The following AREL1 variants were observed in gnomAD, a reference collection of about 807,000 sequenced individuals.
AREL1 encodes the protein apoptosis resistant E3 ubiquitin protein ligase 1.
Under a neutral mutation model 99.0 loss-of-function variants are expected in AREL1, and 62 were observed. The ratio of observed to expected loss-of-function variants is 0.63; its 90% CI spans 0.51 to 0.77. AREL1 has a LOEUF of 0.77. AREL1 is among the 30% of genes least tolerant of loss of function. The pLI, the probability that AREL1 is intolerant of heterozygous loss-of-function variation, is 0.00. For missense variants in AREL1, 879 were observed against 1,027.6 expected (o/e 0.86, Z 1.98); for synonymous variants, 380 against 376.5 (o/e 1.01, Z -0.11).
chr14:74,676,558 C>A (rs1476528688), intron 6 of AREL1, 25 bp downstream of exon 6: 1 of 1,604,970 alleles, frequency 6.2e-7, no homozygotes, highest in Admixed American at 1.7e-5. Context: ...CTCTAGCACA[C>A]AGATAAAGAA....
In AREL1 at chr14:74,685,662, T is replaced by C. The variant is rs1405728921; in HGVS notation, c.-45-2A>G. The C allele has an allele frequency of 6.2e-7, 1 of 1,613,100 alleles. No homozygotes were observed. The highest frequency in any genetic ancestry group is 1.1e-5 in the South Asian group (1 of 90,990). On this transcript the variant is annotated splice_acceptor_variant, in intron 2 of 19. Transcript: ENST00000356357. LOFTEE classifies it low-confidence loss of function (5UTR_SPLICE). ...GACAGCCGAGGATCACAGCTGCAGCTGTTAAAAGAAAACTTGTTTAGTTTT... is the reference window on the plus strand; with the variant it reads ...GACAGCCGAGGATCACAGCTGCAGCCGTTAAAAGAAAACTTGTTTAGTTTT...
At chr14:74,684,064 A>T (rs1036697265) in intron 4 of AREL1, among the ~76,000 whole-genome samples, 2 of 152,166 alleles carry the variant, frequency 1.3e-5, no homozygotes, top group African/African-American at 4.8e-5. Context: ...GACCGTACAC[A>T]ACTACTCAAC....
intron 1 of AREL1, among the ~76,000 whole-genome samples, chr14:74,703,311 C>A (rs1162678676): frequency 6.6e-6 from 1 of 152,090 alleles, no homozygotes; most frequent in Non-Finnish European, 1.5e-5. Context: ...AGGGGAAATC[C>A]CTTATAAAAT....
chr14:74,712,575 G>A (rs1174542630), intron 1 of AREL1, among the ~76,000 whole-genome samples: 1 of 151,984 alleles, frequency 6.6e-6, no homozygotes, highest in South Asian at 2.1e-4. Flanking sequence ...TCTTGGCTTG[G>A]GTAAGTAGTA....
intron 15 of AREL1, among the ~76,000 whole-genome samples, chr14:74,668,302 G>C (rs2089253598): frequency 6.6e-6 from 1 of 152,148 alleles, no homozygotes; most frequent in African/African-American, 2.4e-5. Flanking sequence ...CCATCATCCA[G>C]GAATATTTGT....
In AREL1 at chr14:74,662,429, G is replaced by C. The variant is rs1033604684; in HGVS notation, c.*1291C>G. The C allele has an allele frequency of 6.3e-5, 25 of 396,454 alleles. No individual in the cohort carries two copies. The highest frequency in any genetic ancestry group is 1.0e-4 in the Non-Finnish European group (23 of 224,960). 24.6% of individuals were successfully genotyped at this position (396,454 alleles called of 1,614,324 possible). Reference sequence around the variant, plus strand: ...AGCCTTCTTAAAAACACAAATTTGGGAAGTCAATGAGATTTTGAATCTTGA... The same window carrying C: ...AGCCTTCTTAAAAACACAAATTTGGCAAGTCAATGAGATTTTGAATCTTGA... On this transcript the variant is annotated 3_prime_UTR_variant, in exon 20 of 20. Transcript: ENST00000356357.
chr14:74,667,293 T>C, intron 17 of AREL1, 26 bp downstream of exon 17: 2 of 1,613,894 alleles, frequency 1.2e-6, no homozygotes, highest in Non-Finnish European at 1.7e-6. Flanking sequence ...AAGTTAAGAA[T>C]GGGAGTCTGA....
At chr14:74,679,383 C>A (rs1657931311) in intron 5 of AREL1, among the ~76,000 whole-genome samples, 1 of 152,032 alleles carries the variant, frequency 6.6e-6, no homozygotes, top group Admixed American at 6.6e-5. Context: ...GACTATGCTA[C>A]TGCACGCCAT....
chr14:74,663,945 T>C lies in AREL1; in HGVS notation c.2323A>G (p.Ile775Val), dbSNP rs2089147615. The change falls in exon 19 of 20, where the codon ATT (isoleucine) becomes GTT (valine). Residue 775 changes from isoleucine to valine, a missense_variant. By Grantham distance (29) the Ile-to-Val change is conservative (BLOSUM62 3). Transcript: ENST00000356357. ...GTGCTATGGGTCGGAGCGGCAATAA[T>C]CTGAAATGAGGGACAGAGGGCGGCA... ...GFAALCPSFQIIAAPTHSTLP... is the reference protein window; with the variant it reads ...GFAALCPSFQVIAAPTHSTLP... 2 of 1,614,088 alleles carry C rather than the reference T, an allele frequency of 1.2e-6. No homozygotes were observed. Among genetic ancestry groups the C allele is most frequent in the Non-Finnish European group, 1.7e-6 (2 of 1,180,024 alleles).
In AREL1 at chr14:74,674,116, A is replaced by T. The variant is rs749313742; in HGVS notation, c.1081-5T>A. The T allele has an allele frequency of 6.2e-7, 1 of 1,611,384 alleles. No homozygotes were observed. Among genetic ancestry groups the T allele is most frequent in the Non-Finnish European group, 8.5e-7 (1 of 1,177,722 alleles). ...GAACTCCTTCACTGAGAATTGCTGGAGGACCAACAGACAGGAAATGAAGTG... is the reference window on the plus strand; with the variant it reads ...GAACTCCTTCACTGAGAATTGCTGGTGGACCAACAGACAGGAAATGAAGTG... On this transcript the variant is annotated splice_region_variant and splice_polypyrimidine_tract_variant and intron_variant, in intron 8 of 19. Coordinates refer to ENST00000356357, the MANE Select transcript of AREL1 (RefSeq NM_001039479.2).
intron 15 of AREL1, among the ~76,000 whole-genome samples, chr14:74,667,888 C>T (rs1455377662): frequency 1.3e-5 from 2 of 152,298 alleles, no homozygotes; most frequent in East Asian, 1.9e-4. Context: ...TATGGCTCCT[C>T]GCTAGCAATG....
At chr14:74,675,605 T>G in intron 8 of AREL1, 94 bp downstream of exon 8, 1 of 1,497,434 alleles carries the variant, frequency 6.7e-7, no homozygotes, top group Non-Finnish European at 9.0e-7. Flanking sequence ...CTTGCCCTGA[T>G]TCTCAGACTG....
At chr14:74,674,254 C>T (rs1343096878) in intron 8 of AREL1, 143 bp from the exon 9 acceptor site, 2 of 654,768 alleles carry the variant, frequency 3.1e-6, no homozygotes, top group Non-Finnish European at 2.6e-6. Flanking sequence ...TTAGTGAGTA[C>T]TAAAGTCAAA....
At chr14:74,707,726 G>A (rs866782040) in intron 1 of AREL1, among the ~76,000 whole-genome samples, 43 of 150,422 alleles carry the variant, frequency 2.9e-4, no homozygotes, top group African/African-American at 8.3e-4. Flanking sequence ...CCCAGGAGGC[G>A]GAGCTTGCAG....
At chr14:74,664,448 C>CTTTTTTTTTT (rs56728679) in intron 18 of AREL1, among the ~76,000 whole-genome samples, 1 of 76,896 alleles carries the variant, frequency 1.3e-5, no homozygotes, top group Non-Finnish European at 2.4e-5. Context: ...CTTTTCCTTT[C>CTTTTTTTTTT]TTTTTTTTTT....
Position 74,669,944 on chromosome 14 carries a change from T to C in AREL1, c.1788+3A>G. ...AGTAGGAAATGCACACCCAAGATGT[T>C]ACCTTGTAATGCATACGCAGTCCTA... On this transcript the variant is annotated splice_donor_region_variant and intron_variant, in intron 14 of 19. Coordinates refer to ENST00000356357, the MANE Select transcript of AREL1 (RefSeq NM_001039479.2). 6.2e-7 allele frequency: 1 copy of C among 1,603,306 alleles called. No homozygotes were observed. Among genetic ancestry groups the C allele is most frequent in the Non-Finnish European group, 8.5e-7 (1 of 1,173,878 alleles).
At chr14:74,670,595 A>C (rs1268099781) in intron 13 of AREL1, 167 bp downstream of exon 13, 3 of 587,086 alleles carry the variant, frequency 5.1e-6, no homozygotes, top group Non-Finnish European at 8.8e-6. Context: ...TGAAATAATA[A>C]AGGCAAAGAG....
Position 74,671,485 on chromosome 14 carries a change from T to G in AREL1, c.1423-2A>C. On this transcript the variant is annotated splice_acceptor_variant, in intron 11 of 19. Coordinates refer to ENST00000356357, the MANE Select transcript of AREL1 (RefSeq NM_001039479.2). LOFTEE classifies it high-confidence loss of function. ...GAAATTCCGAGTGGCTTTCAGAGACTGAAAAGAAGTGAAAGGAAGGGAATT... is the reference window on the plus strand; with the variant it reads ...GAAATTCCGAGTGGCTTTCAGAGACGGAAAAGAAGTGAAAGGAAGGGAATT... The G allele has an allele frequency of 6.3e-7, 1 of 1,585,660 alleles. No individual in the cohort carries two copies. Among genetic ancestry groups the G allele is most frequent in the Non-Finnish European group, 8.6e-7 (1 of 1,165,178 alleles).
rs117851364 is a variant in AREL1 at position 74,695,653 on chromosome 14, T to C, written c.-333-3325A>G. 3.5e-4 allele frequency among the ~76,000 whole-genome samples: 53 copies of C among 152,314 alleles called. 2 individuals are homozygous for C. In the East Asian group the frequency reaches 0.01, roughly 29 times the overall value. On this transcript the variant is annotated intron_variant, in intron 1 of 19. Coordinates refer to ENST00000356357, the MANE Select transcript of AREL1 (RefSeq NM_001039479.2). ...TTCCTCCTTTGTGGTGCTCCTCTGC[T>C]GAAGATACCTCCGTTATAGCATTTA...
Sources: gnomAD v4.1 joint callset for allele counts (sites outside exome capture counted in the v4.1 genomes callset) on GRCh38, gnomAD v4.1.1 for gene constraint, MANE v1.5 for transcripts, NCBI Gene and HGNC (gene_info 2026-07-23, HGNC 2026-07-21) for gene names.